The following PATJ variants were observed in gnomAD, a reference collection of about 807,000 sequenced individuals.
The protein encoded by PATJ is inaD-like protein.
Under a neutral mutation model 224.9 loss-of-function variants are expected in PATJ, and 190 were observed. That is an observed-to-expected ratio of 0.84 (90% confidence interval 0.75 to 0.95). PATJ has a LOEUF of 0.95. Ranked by LOEUF, PATJ falls within the 40% of genes least tolerant of loss-of-function variation. PATJ has a pLI of 0.00. For missense variants in PATJ, 2,121 were observed against 2,270.3 expected (o/e 0.93, Z 1.34); for synonymous variants, 769 against 820.3 (o/e 0.94, Z 1.07).
At chr1:61,798,837 G>A (rs562946771) in intron 11 of PATJ, among the ~76,000 whole-genome samples, 57 of 151,852 alleles carry the variant, frequency 3.8e-4, no homozygotes, top group Non-Finnish European at 7.4e-4. Flanking sequence ...GCTTCAGTGA[G>A]CATGCCACTG....
At chr1:61,976,475 C>T (rs1304380556) in intron 27 of PATJ, among the ~76,000 whole-genome samples, 3 of 151,930 alleles carry the variant, frequency 2.0e-5, no homozygotes, top group African/African-American at 2.4e-5. Flanking sequence ...GGCACAATCT[C>T]GGCTCACTGC....
At chr1:61,786,976 A>T (rs974985432) in intron 7 of PATJ, among the ~76,000 whole-genome samples, 8 of 149,114 alleles carry the variant, frequency 5.4e-5, no homozygotes, top group Admixed American at 2.1e-4. Context: ...ACAGAGTGAG[A>T]TTCTGACTCA....
At chr1:61,827,278 T>C (rs1156797546) in intron 15 of PATJ, 144 bp from the exon 16 acceptor site, 2 of 616,890 alleles carry the variant, frequency 3.2e-6, no homozygotes, top group African/African-American at 3.7e-5. Context: ...TAATCATAAA[T>C]AATATGATGA....
intron 28 of PATJ, among the ~76,000 whole-genome samples, chr1:61,992,441 C>A: frequency 6.6e-6 from 1 of 152,162 alleles, no homozygotes; most frequent in East Asian, 1.9e-4. Flanking sequence ...TTTAACCAAC[C>A]CAATTTGTTT....
chr1:61,797,443 AC>A lies in PATJ; in HGVS notation c.1402+19del. The A allele has an allele frequency of 6.2e-7, 1 of 1,603,522 alleles. No individual in the cohort carries two copies. The highest frequency in any genetic ancestry group is 1.1e-5 in the South Asian group (1 of 90,612). ...TTCAGACAGAGGTGATTAATTTGCC[AC>A]CCCTCTATCCCTCAAGTAGTTTACA... On this transcript the variant is annotated intron_variant, in intron 11 of 43. Transcript: ENST00000642238.
intron 42 of PATJ, among the ~76,000 whole-genome samples, chr1:62,150,948 G>T (rs1668570119): frequency 6.6e-6 from 1 of 151,730 alleles, no homozygotes; most frequent in African/African-American, 2.4e-5. Context: ...TTCAAGACCA[G>T]CCTGACCATG....
At chr1:61,940,921 A>G (rs1677722414) in intron 27 of PATJ, among the ~76,000 whole-genome samples, 2 of 152,116 alleles carry the variant, frequency 1.3e-5, no homozygotes, top group South Asian at 4.1e-4. Flanking sequence ...TCTTCACAGT[A>G]TTACATTTTC....
Position 62,128,077 on chromosome 1 carries a change from C to T in PATJ, c.5149C>T (p.Arg1717Trp), listed in dbSNP as rs146406799. ...AMIQASGVAA[R>W]TQKLKVGDRI... is the part of the protein sequence containing the mutation. ...GATTCAGGCTAGCGGAGTGGCCGCA[C>T]GGACACAGAAGCTTAAAGTAAACGA... The change falls in exon 40 of 44, where the codon CGG becomes TGG. Residue 1717 changes from arginine to tryptophan, a missense_variant. Coordinates refer to ENST00000642238, the MANE Select transcript of PATJ (RefSeq NM_001350145.3). The T allele has an allele frequency of 2.3e-4, 373 of 1,614,066 alleles. No homozygotes were observed. In the East Asian group the frequency reaches 5.0e-3, roughly 22 times the overall value.
At chr1:61,847,661 C>T (rs1344392200) in intron 17 of PATJ, among the ~76,000 whole-genome samples, 1 of 152,182 alleles carries the variant, frequency 6.6e-6, no homozygotes, top group Non-Finnish European at 1.5e-5. Flanking sequence ...GCTCATTATT[C>T]ATTAGAATCA....
intron 15 of PATJ, 78 bp downstream of exon 15, chr1:61,823,157 T>C: frequency 2.1e-6 from 3 of 1,409,914 alleles, no homozygotes; most frequent in Non-Finnish European, 3.0e-6. Context: ...ACAAATCCCC[T>C]GAGTTATAGT....
In PATJ at chr1:62,108,497, T is replaced by C; in HGVS notation, c.4438T>C (p.Trp1480Arg). Residue 1480 changes from tryptophan to arginine, a missense_variant, in exon 34 of 44, where the codon TGG becomes CGG. By Grantham distance (101) the Trp-to-Arg change is moderately radical. Coordinates refer to ENST00000642238, the MANE Select transcript of PATJ (RefSeq NM_001350145.3). ...GGCAGCAGCCAGAGATGGAAGACTT[T>C]GGGCTGGTGACCAGATATTAGAGGT... is the stretch of plus-strand genomic sequence containing the variant. ...EGAAARDGRL[W>R]AGDQILEVNG... 2.5e-6 allele frequency: 4 copies of C among 1,609,122 alleles called. No homozygotes were observed. Among genetic ancestry groups the C allele is most frequent in the Non-Finnish European group, 2.6e-6 (3 of 1,176,168 alleles).
intron 19 of PATJ, among the ~76,000 whole-genome samples, chr1:61,862,019 G>A (rs143289023): frequency 1.3e-5 from 2 of 151,882 alleles, no homozygotes; most frequent in Non-Finnish European, 2.9e-5. Flanking sequence ...GTGCTACCAC[G>A]TCTAGCTAAT....
At position 61,901,297 on chromosome 1, in the gene PATJ, A is replaced by G; in HGVS notation, c.3219A>G (p.Arg1073=). ...CTTTATATAGTGTTGAGATTTTTAG[A>G]GAACCCAATGTGTCTCTTGGGATCA... ...WGPPRIVEIF[R]EPNVSLGISI... is the part of the protein sequence containing the mutation. Residue 1073 remains arginine (R), a synonymous_variant, in exon 24 of 44, where the codon AGA becomes AGG. Coordinates refer to ENST00000642238, the MANE Select transcript of PATJ (RefSeq NM_001350145.3). The G allele has an allele frequency of 6.5e-7, 1 of 1,529,486 alleles. No individual in the cohort carries two copies. Among genetic ancestry groups the G allele is most frequent in the Non-Finnish European group, 8.7e-7 (1 of 1,149,204 alleles). 94.7% of individuals were successfully genotyped at this position (1,529,486 alleles called of 1,614,324 possible). A position where few individuals can be genotyped will look rare whatever the true frequency, so the allele number is the denominator to read the frequency against.
At chr1:62,085,360 A>C (rs1248157728) in intron 33 of PATJ, among the ~76,000 whole-genome samples, 1 of 152,052 alleles carries the variant, frequency 6.6e-6, no homozygotes, top group East Asian at 1.9e-4. Flanking sequence ...TCTTAAAAAA[A>C]AAACAAACAA....
chr1:61,760,643 G>A (rs1485021643), intron 1 of PATJ, among the ~76,000 whole-genome samples: 2 of 140,932 alleles, frequency 1.4e-5, no homozygotes, highest in African/African-American at 5.3e-5. Context: ...TTGAGACAGA[G>A]TCTGGCTTTA....
chr1:61,948,779 G>A (rs1679161325), intron 27 of PATJ, among the ~76,000 whole-genome samples: 1 of 152,060 alleles, frequency 6.6e-6, no homozygotes, highest in Non-Finnish European at 1.5e-5. Flanking sequence ...GTTTATTGTG[G>A]CACTATCCAC....
At chr1:62,117,346 G>A (rs923051215) in intron 37 of PATJ, 128 bp downstream of exon 37, 2 of 1,446,386 alleles carry the variant, frequency 1.4e-6, no homozygotes, top group African/African-American at 2.9e-5. Context: ...CAAGTTTAGT[G>A]AACTTTCATG....
In PATJ at chr1:62,128,867, C is replaced by T. The variant is rs776006303; in HGVS notation, c.5193C>T (p.Asn1731=). The change falls in exon 41 of 44, where the codon AAC becomes AAT. Residue 1731 remains asparagine (N), a synonymous_variant. Transcript: ENST00000642238. ...LKVGDRIVSI[N]GQPLDGLSHA... Reference sequence around the variant, plus strand: ...TTGGAGATCGGATTGTCAGCATTAACGGGCAACCTTTGGATGGGCTGTCTC... The same window carrying T: ...TTGGAGATCGGATTGTCAGCATTAATGGGCAACCTTTGGATGGGCTGTCTC... 8 of 1,612,506 alleles carry T rather than the reference C, an allele frequency of 5.0e-6. No individual in the cohort carries two copies. The highest frequency in any genetic ancestry group is 1.6e-4 in the Middle Eastern group (1 of 6,080).
chr1:61,894,794 A>G (rs1206345920), intron 22 of PATJ, among the ~76,000 whole-genome samples: 3 of 152,242 alleles, frequency 2.0e-5, no homozygotes, highest in African/African-American at 7.2e-5. Flanking sequence ...GAACTGGCTA[A>G]CAGGCAGAGG....
Sources: allele counts gnomAD v4.1 joint callset (sites outside exome capture counted in the v4.1 genomes callset), GRCh38; gene constraint gnomAD v4.1.1; transcripts MANE v1.5; gene names NCBI Gene and HGNC (gene_info 2026-07-23, HGNC 2026-07-21).